DCAF8: variants seen among roughly 807,000 people sequenced by gnomAD.
DCAF8 encodes the protein DDB1 and CUL4 associated factor 8.
Under a neutral mutation model 68.0 loss-of-function variants are expected in DCAF8, and 20 were observed. That is an observed-to-expected ratio of 0.29 (90% confidence interval 0.21 to 0.43). The LOEUF (loss-of-function observed/expected upper bound fraction) is 0.43. Ranked by LOEUF, DCAF8 falls within the 20% of genes least tolerant of loss-of-function variation. DCAF8 has a pLI of 1.00. For synonymous variants in DCAF8, 230 were observed against 276.9 expected, an observed-to-expected ratio of 0.83 and a Z score of 1.68; for missense variants, 460 against 771.0, an observed-to-expected ratio of 0.60 and a Z score of 4.78.
intron 2 of DCAF8, among the ~76,000 whole-genome samples, chr1:160,252,202 A>C (rs1402525618): frequency 2.6e-5 from 4 of 152,248 alleles, no homozygotes; most frequent in Non-Finnish European, 5.9e-5. Flanking sequence ...AATATAAACA[A>C]GGCAGTCACA....
At chr1:160,239,660 T>G (rs765978244) in intron 4 of DCAF8, 37 bp downstream of exon 4, 1 of 1,614,222 alleles carries the variant, frequency 6.2e-7, no homozygotes, top group South Asian at 1.1e-5. Context: ...AACTCATGCC[T>G]GATTCTCTCA....
At position 160,216,845 on chromosome 1, in the gene DCAF8, C is replaced by G. The variant is rs906890492; in HGVS notation, c.*747G>C. On this transcript the variant is annotated 3_prime_UTR_variant, in exon 14 of 14. Transcript: ENST00000368074. ...CAAACAATGTTTCTTAAAAAAATAA[C>G]AGAAGAGGTAATATCCTTCCTATTC... 6.6e-6 allele frequency: 1 copy of G among 152,544 alleles called. No homozygotes were observed. Among genetic ancestry groups the G allele is most frequent in the Non-Finnish European group, 1.5e-5 (1 of 68,036 alleles). 9.4% of individuals were successfully genotyped at this position (152,544 alleles called of 1,614,324 possible).
intron 3 of DCAF8, among the ~76,000 whole-genome samples, chr1:160,242,182 C>T (rs11265361): frequency 0.64 from 97,038 of 150,774 alleles, 32,710 homozygotes; most frequent in African/African-American, 0.86. Context: ...GAGGTGGAGG[C>T]TGCAGTGAGC....
At chr1:160,225,740 A>G (rs2101721519) in intron 7 of DCAF8, 77 bp from the exon 8 acceptor site, 1 of 1,188,494 alleles carries the variant, frequency 8.4e-7, no homozygotes, top group Non-Finnish European at 1.2e-6. Context: ...ATGTAGTGGC[A>G]GGAAACTGCC....
intron 2 of DCAF8, among the ~76,000 whole-genome samples, chr1:160,244,366 C>T (rs1022120268): frequency 1.3e-5 from 2 of 152,210 alleles, no homozygotes; most frequent in African/African-American, 4.8e-5. Context: ...ATGACAGGTA[C>T]TGCAAGCCAA....
chr1:160,245,681 T>C (rs1306620248), intron 2 of DCAF8, among the ~76,000 whole-genome samples: 1 of 152,176 alleles, frequency 6.6e-6, no homozygotes, highest in Non-Finnish European at 1.5e-5. Flanking sequence ...AGAAAAATAG[T>C]GAGAAGCTGT....
intron 2 of DCAF8, among the ~76,000 whole-genome samples, chr1:160,248,312 A>G (rs1302871771): frequency 6.6e-6 from 1 of 152,020 alleles, no homozygotes; most frequent in African/African-American, 2.4e-5. Flanking sequence ...ATCTAGAAAA[A>G]AAAAAAAATT....
At chr1:160,241,207 C>T (rs905622821) in intron 3 of DCAF8, among the ~76,000 whole-genome samples, 3 of 152,124 alleles carry the variant, frequency 2.0e-5, no homozygotes, top group Non-Finnish European at 4.4e-5. Flanking sequence ...GCTTCTTCCC[C>T]ACCTAAGTTT....
At chr1:160,260,251 T>TA (rs1336894350) in intron 2 of DCAF8, among the ~76,000 whole-genome samples, 1 of 152,170 alleles carries the variant, frequency 6.6e-6, no homozygotes, top group East Asian at 1.9e-4. Flanking sequence ...GAAGTTTAAG[T>TA]AACTTGCTCA....
chr1:160,231,304 A>G lies in DCAF8; in HGVS notation c.1063T>C (p.Phe355Leu). The change falls in exon 7 of 14, where the codon TTT becomes CTT. Residue 355 changes from phenylalanine to leucine, a missense_variant. Around this residue, in one of 8 missense-constraint regions of DCAF8, gnomAD observed 170 missense variants for 318.2 expected, o/e 0.53. Coordinates refer to ENST00000368074, the MANE Select transcript of DCAF8 (RefSeq NM_015726.4). ...HQFAVGGRDQ[F>L]VRIYDQRKID... ...AAAGAGCCACAAACTCACCTTACAA[A>G]CTGATCTCGTCCACCCACTGCAAAC... The G allele has an allele frequency of 6.2e-7, 1 of 1,612,982 alleles. No homozygotes were observed. Among genetic ancestry groups the G allele is most frequent in the Non-Finnish European group, 8.5e-7 (1 of 1,179,002 alleles).
chr1:160,230,960 G>A (rs1282580954), intron 7 of DCAF8, among the ~76,000 whole-genome samples: 2 of 150,806 alleles, frequency 1.3e-5, no homozygotes, highest in African/African-American at 2.5e-5. Context: ...TTGCCATGTT[G>A]GCCAGGCTGG....
At chr1:160,228,847 T>C (rs2101725684) in intron 7 of DCAF8, among the ~76,000 whole-genome samples, 1 of 152,350 alleles carries the variant, frequency 6.6e-6, no homozygotes, top group Non-Finnish European at 1.5e-5. Flanking sequence ...GAAGATGAGC[T>C]GTTTGGGTTC....
At position 160,239,747 on chromosome 1, in the gene DCAF8, G is replaced by T. The variant is rs564633806; in HGVS notation, c.673C>A (p.Arg225=). Residue 225 remains arginine, a synonymous_variant, in exon 4 of 14, where the codon CGG becomes AGG. Coordinates refer to ENST00000368074, the MANE Select transcript of DCAF8 (RefSeq NM_015726.4). ...CTCTCAAAGTCCAGTACTGGCTGCC[G>T]CCGTACCCAATCCCACACCACCACC... ...LKVVVWDWVR[R]QPVLDFESGH... 6.2e-7 allele frequency: 1 copy of T among 1,614,154 alleles called. No individual in the cohort carries two copies. Among genetic ancestry groups the T allele is most frequent in the Non-Finnish European group, 8.5e-7 (1 of 1,180,036 alleles).
At position 160,217,020 on chromosome 1, in the gene DCAF8, G is replaced by C. The variant is rs755349841; in HGVS notation, c.*572C>G. The C allele has an allele frequency of 1.3e-5, 2 of 148,328 alleles. No homozygotes were observed. Among genetic ancestry groups the C allele is most frequent in the Admixed American group, 6.7e-5 (1 of 14,816 alleles). 9.2% of individuals were successfully genotyped at this position (148,328 alleles called of 1,614,324 possible). ...TACAGAGAATGAATAAGGTGGAAAG[G>C]AAAGTGAAGAGTGTGGGATGGTTAG... On this transcript the variant is annotated 3_prime_UTR_variant, in exon 14 of 14. Transcript: ENST00000368074.
At chr1:160,244,855 C>A (rs1043410419) in intron 2 of DCAF8, among the ~76,000 whole-genome samples, 2 of 152,040 alleles carry the variant, frequency 1.3e-5, no homozygotes, top group African/African-American at 4.8e-5. Flanking sequence ...GTGATCCGCC[C>A]GCCTCGGCCT....
chr1:160,235,841 C>T (rs1284612647), intron 6 of DCAF8, among the ~76,000 whole-genome samples: 1 of 151,840 alleles, frequency 6.6e-6, no homozygotes, highest in African/African-American at 2.4e-5. Flanking sequence ...CAGGTTCAAG[C>T]GATTCTCCTG....
chr1:160,245,037 G>A (rs1161127648), intron 2 of DCAF8, among the ~76,000 whole-genome samples: 1 of 152,198 alleles, frequency 6.6e-6, no homozygotes, highest in East Asian at 1.9e-4. Flanking sequence ...AACAGTCAGA[G>A]TCTCTAAGCA....
intron 13 of DCAF8, chr1:160,218,050 CTTG>C (rs1384558379): frequency 1.4e-5 from 7 of 517,284 alleles, no homozygotes; most frequent in Middle Eastern, 5.0e-4. Context: ...CACACTGAGA[CTTG>C]TTATTTCTTC....
At chr1:160,250,176 G>A (rs535210422) in intron 2 of DCAF8, among the ~76,000 whole-genome samples, 18 of 152,246 alleles carry the variant, frequency 1.2e-4, no homozygotes, top group Middle Eastern at 6.8e-3. Flanking sequence ...TAAAAAGAGC[G>A]AATGCAGGCC....
Sources: allele counts gnomAD v4.1 joint callset (sites outside exome capture counted in the v4.1 genomes callset), GRCh38; gene constraint gnomAD v4.1.1; regional missense constraint gnomAD v4.1.1; transcripts MANE v1.5; gene names NCBI Gene and HGNC (gene_info 2026-07-23, HGNC 2026-07-21).